Variants in CPS1 observed in about 807,000 individuals in gnomAD.
The protein encoded by CPS1 is carbamoyl-phosphate synthase [ammonia], mitochondrial.
CPS1 carries 109 observed loss-of-function variants against 174.6 expected under a neutral mutation model. The ratio of observed to expected loss-of-function variants is 0.62; its 90% CI spans 0.53 to 0.73. The LOEUF is 0.73. Among genes scored for constraint, CPS1 ranks in the 30% least tolerant of loss-of-function variants. The pLI is 0.00. For synonymous variants in CPS1, 637 were observed against 632.0 expected, an observed-to-expected ratio of 1.01 and a Z score of -0.12; for missense variants, 1,689 against 1,821.9, an observed-to-expected ratio of 0.93 and a Z score of 1.33.
At chr2:210,582,441 A>G (rs566967011) in intron 5 of CPS1, among the ~76,000 whole-genome samples, 176 bp from the exon 6 acceptor site, 1 of 152,260 alleles carries the variant, frequency 6.6e-6, no homozygotes, top group East Asian at 1.9e-4. Context: ...CCCAAAATGT[A>G]TGTGCAAATT....
At chr2:210,639,042 T>C in intron 22 of CPS1, 108 bp from the exon 23 acceptor site, 2 of 809,688 alleles carry the variant, frequency 2.5e-6, no homozygotes, top group Non-Finnish European at 4.2e-6. Flanking sequence ...TTGCATACTT[T>C]ACAGTAATAG....
chr2:210,552,735 A>G (rs1340560184), upstream of CPS1, among the ~76,000 whole-genome samples: 1 of 151,936 alleles, frequency 6.6e-6, no homozygotes, highest in Non-Finnish European at 1.5e-5. Flanking sequence ...CAGTATAGAC[A>G]CAGGCTGTCA....
At chr2:210,520,719 T>C (rs1288934593) in intron 1 of CPS1, among the ~76,000 whole-genome samples, 1 of 152,072 alleles carries the variant, frequency 6.6e-6, no homozygotes, top group Non-Finnish European at 1.5e-5. Flanking sequence ...TTTGTCTAGC[T>C]TCTTTCACCA....
intron 1 of CPS1, among the ~76,000 whole-genome samples, chr2:210,544,254 A>G (rs1430555661): frequency 2.0e-5 from 3 of 152,112 alleles, no homozygotes; most frequent in Non-Finnish European, 4.4e-5. Context: ...GTAATCCTGG[A>G]AACTTCCTTC....
intron 1 of CPS1, among the ~76,000 whole-genome samples, chr2:210,528,802 G>T (rs931133973): frequency 8.1e-5 from 12 of 147,620 alleles, no homozygotes; most frequent in African/African-American, 2.5e-4. Flanking sequence ...TTAGTACTAG[G>T]AATCAAGACA....
chr2:210,489,780 C>T (rs1012897498), intron 1 of CPS1, among the ~76,000 whole-genome samples: 3 of 151,640 alleles, frequency 2.0e-5, no homozygotes, highest in Admixed American at 1.3e-4. Context: ...AGGCAGATCA[C>T]GAGGTCAGGA....
At chr2:210,483,013 C>T (rs1257270702) in intron 1 of CPS1, among the ~76,000 whole-genome samples, 4 of 152,094 alleles carry the variant, frequency 2.6e-5, no homozygotes, top group Non-Finnish European at 5.9e-5. Context: ...ATATTTTGCG[C>T]AGAATAAAGA....
intron 4 of CPS1, among the ~76,000 whole-genome samples, chr2:210,579,284 G>T (rs543477021): frequency 6.6e-6 from 1 of 152,154 alleles, no homozygotes; most frequent in Non-Finnish European, 1.5e-5. Context: ...CTAACAGGAT[G>T]ATCATGTTTT....
In CPS1 at chr2:210,590,895, C is replaced by T; in HGVS notation, c.936C>T (p.Ser312=). The change falls in exon 9 of 38, where the codon TCC becomes TCT. Residue 312 remains serine (S), a synonymous_variant. Coordinates refer to ENST00000233072, the MANE Select transcript of CPS1 (RefSeq NM_001875.5). ...CTGGTGCCAAAACCTACAAGATGTCCATGGCCAACAGGTGAGGTATTTTCA... is the reference window on the plus strand; with the variant it reads ...CTGGTGCCAAAACCTACAAGATGTCTATGGCCAACAGGTGAGGTATTTTCA... ...LAAGAKTYKM[S]MANRGQNQPV... The T allele has an allele frequency of 6.2e-7, 1 of 1,610,924 alleles. No homozygotes were observed. The highest frequency in any genetic ancestry group is 8.5e-7 in the Non-Finnish European group (1 of 1,177,964).
At chr2:210,609,597 A>G (rs1171214034) in intron 19 of CPS1, among the ~76,000 whole-genome samples, 1 of 151,972 alleles carries the variant, frequency 6.6e-6, no homozygotes, top group Non-Finnish European at 1.5e-5. Flanking sequence ...AACAAATCTC[A>G]GTCTTTCTCT....
At chr2:210,660,435 G>T in intron 31 of CPS1, 50 bp from the exon 32 acceptor site, 4 of 1,550,222 alleles carry the variant, frequency 2.6e-6, no homozygotes, top group Non-Finnish European at 3.6e-6. Context: ...TAATATTGTT[G>T]TTACTGGCTC....
intron 19 of CPS1, among the ~76,000 whole-genome samples, chr2:210,610,500 A>G (rs1332599891): frequency 6.6e-6 from 1 of 151,996 alleles, no homozygotes; most frequent in Non-Finnish European, 1.5e-5. Flanking sequence ...TAGACAATGA[A>G]TTATTAATCT....
chr2:210,481,311 A>G (rs1694563462), intron 1 of CPS1, among the ~76,000 whole-genome samples: 1 of 152,214 alleles, frequency 6.6e-6, no homozygotes, highest in South Asian at 2.1e-4. Context: ...TGTTGAAAAT[A>G]TGTGTCTATA....
At chr2:210,539,393 C>T (rs765324568) in intron 1 of CPS1, among the ~76,000 whole-genome samples, 8 of 151,958 alleles carry the variant, frequency 5.3e-5, no homozygotes, top group Non-Finnish European at 1.0e-4. Flanking sequence ...TGGAATTATC[C>T]GCAGTAGTTT....
chr2:210,487,850 T>C (rs1694770220), intron 1 of CPS1, among the ~76,000 whole-genome samples: 3 of 152,214 alleles, frequency 2.0e-5, no homozygotes, highest in Admixed American at 2.0e-4. Context: ...GAGAACAGTT[T>C]AGCATCAGTG....
At chr2:210,532,390 A>G (rs1376146385) in intron 1 of CPS1, among the ~76,000 whole-genome samples, 1 of 152,180 alleles carries the variant, frequency 6.6e-6, no homozygotes, top group Non-Finnish European at 1.5e-5. Flanking sequence ...AAACTACTAT[A>G]TGAATGGCTT....
At chr2:210,619,442 T>C (rs2105870940) in intron 21 of CPS1, 1 of 152,262 alleles carries the variant, frequency 6.6e-6, no homozygotes, top group East Asian at 1.9e-4. Context: ...ATAAAAATGC[T>C]ACTTGTTGTA....
At chr2:210,503,864 G>A (rs895819751) in intron 1 of CPS1, among the ~76,000 whole-genome samples, 1 of 151,610 alleles carries the variant, frequency 6.6e-6, no homozygotes, top group African/African-American at 2.4e-5. Flanking sequence ...TTCGGGTGAC[G>A]GCCAAAGCTC....
rs1574681208 is a variant in CPS1, at chr2:210,677,061, T to C, written c.4329T>C (p.Thr1443=). The C allele has an allele frequency of 6.2e-7, 1 of 1,613,488 alleles. No homozygotes were observed. The highest frequency in any genetic ancestry group is 8.5e-7 in the Non-Finnish European group (1 of 1,179,458). Residue 1443 remains threonine (T), a synonymous_variant, in exon 37 of 38, where the codon ACT becomes ACC. Transcript: ENST00000233072. The part of the protein sequence containing the change: ...DLVINLPNNN[T]KFVHDNYVIR... ...TGATTAACCTTCCCAACAACAACAC[T>C]AAATTTGTCCATGATAATTATGTGA...
Sources: gnomAD v4.1 joint callset for allele counts (sites outside exome capture counted in the v4.1 genomes callset) on GRCh38, gnomAD v4.1.1 for gene constraint, MANE v1.5 for transcripts, NCBI Gene and HGNC (gene_info 2026-07-23, HGNC 2026-07-21) for gene names.